The following GATA4 variants were observed in gnomAD, a reference collection of about 807,000 sequenced individuals.
GATA4 encodes the protein GATA binding protein 4.
In GATA4, 7 loss-of-function variants were observed where a neutral mutation model predicts 37.9. The ratio of observed to expected loss-of-function variants is 0.18; its 90% CI spans 0.11 to 0.35. GATA4 has a LOEUF of 0.35. GATA4 is among the 10% of genes least tolerant of loss of function. The pLI, the probability that GATA4 is intolerant of heterozygous loss-of-function variation, is 1.00. For missense variants in GATA4, 647 were observed against 653.0 expected, an observed-to-expected ratio of 0.99 and a Z score of 0.10; for synonymous variants, 372 against 292.6, an observed-to-expected ratio of 1.27 and a Z score of -2.77.
chr8:11,701,818 G>A (rs1799685769), upstream of GATA4, among the ~76,000 whole-genome samples: 1 of 151,652 alleles, frequency 6.6e-6, no homozygotes, highest in South Asian at 2.1e-4. Flanking sequence ...TCCACTAGGA[G>A]TGCCAGCGGA....
At chr8:11,687,524 T>C (rs1799176633) in intron 1 of GATA4, among the ~76,000 whole-genome samples, 1 of 152,200 alleles carries the variant, frequency 6.6e-6, no homozygotes, top group African/African-American at 2.4e-5. Flanking sequence ...TTGTGGTTTA[T>C]CAAAGTGGTA....
At chr8:11,693,992 C>A (rs1169114359) in intron 1 of GATA4, among the ~76,000 whole-genome samples, 1 of 152,056 alleles carries the variant, frequency 6.6e-6, no homozygotes, top group East Asian at 1.9e-4. Flanking sequence ...GGGGGAACAC[C>A]TCTACATTAA....
At chr8:11,702,329 G>C (rs776459849), upstream of GATA4, among the ~76,000 whole-genome samples, 1 of 151,942 alleles carries the variant, frequency 6.6e-6, no homozygotes, top group Non-Finnish European at 1.5e-5. The surrounding 1 kb of genome is among the most constrained non-coding windows in gnomAD (Gnocchi z 4.4). Flanking sequence ...CTGAGACCCC[G>C]GGTAGCGCTG....
At chr8:11,687,577 A>G (rs970065514) in intron 1 of GATA4, among the ~76,000 whole-genome samples, 2 of 152,214 alleles carry the variant, frequency 1.3e-5, no homozygotes, top group African/African-American at 4.8e-5. Context: ...TCTCTGGTGT[A>G]TTATTAGACC....
At chr8:11,715,623 C>T (rs561631307) in intron 2 of GATA4, among the ~76,000 whole-genome samples, 1 of 152,092 alleles carries the variant, frequency 6.6e-6, no homozygotes, top group Admixed American at 6.5e-5. Flanking sequence ...TGCCTGTAAT[C>T]CCAGCTATTC....
In GATA4 at chr8:11,708,192, T is replaced by C; in HGVS notation, c.-121T>C. ...AGTTGGTTTTTTCCCCTTTGATTTT[T>C]GATCTTCGCGACAGTTCCTCCCACG... is the stretch of plus-strand genomic sequence containing the variant. On this transcript the variant is annotated 5_prime_UTR_variant, in exon 2 of 7. Transcript: ENST00000532059. The surrounding 1 kb of genome is among the most constrained non-coding windows in gnomAD (Gnocchi z 6.7). The C allele has an allele frequency of 8.7e-7, 1 of 1,152,878 alleles. No homozygotes were observed. Among genetic ancestry groups the C allele is most frequent in the Non-Finnish European group, 1.3e-6 (1 of 799,734 alleles). 71.4% of individuals were successfully genotyped at this position (1,152,878 alleles called of 1,614,324 possible). A position where few individuals can be genotyped will look rare whatever the true frequency, so the allele number is the denominator to read the frequency against.
intron 2 of GATA4, among the ~76,000 whole-genome samples, chr8:11,746,442 AC>A (rs1472703145): frequency 6.6e-6 from 1 of 152,176 alleles, no homozygotes; most frequent in East Asian, 1.9e-4. Flanking sequence ...AGGTGATCTT[AC>A]AAGGCCTCTA....
chr8:11,720,839 T>A (rs564390333), intron 2 of GATA4, among the ~76,000 whole-genome samples: 64 of 152,172 alleles, frequency 4.2e-4, no homozygotes, highest in Non-Finnish European at 8.7e-4. Context: ...GTGCTCTGAG[T>A]TTCCTGCTGC....
intron 2 of GATA4, among the ~76,000 whole-genome samples, chr8:11,711,301 C>T (rs565580415): frequency 1.1e-4 from 17 of 152,318 alleles, no homozygotes; most frequent in African/African-American, 4.1e-4. Context: ...TCCCGGATAG[C>T]TTATGAAGTC....
chr8:11,689,388 C>T (rs1799241768), upstream of GATA4, among the ~76,000 whole-genome samples: 1 of 152,098 alleles, frequency 6.6e-6, no homozygotes, highest in Non-Finnish European at 1.5e-5. Context: ...CTGATGATTA[C>T]CCAGAACAGC....
intron 2 of GATA4, among the ~76,000 whole-genome samples, chr8:11,730,748 C>T (rs1052494759): frequency 3.9e-5 from 6 of 152,330 alleles, no homozygotes; most frequent in African/African-American, 1.2e-4. Context: ...TTTATTCCAG[C>T]GACTGTCCTG....
rs940691283 is a variant in GATA4 at position 11,709,143 on chromosome 8, G to T, written c.616+215G>T. Among the ~76,000 whole-genome samples, 1 of 152,180 alleles carries T rather than the reference G, an allele frequency of 6.6e-6. No individual in the cohort carries two copies. Among genetic ancestry groups the T allele is most frequent in the African/African-American group, 2.4e-5 (1 of 41,458 alleles). On this transcript the variant is annotated intron_variant, in intron 2 of 6. Coordinates refer to ENST00000532059, the MANE Select transcript of GATA4 (RefSeq NM_001308093.3). This position sits in a 1 kb window ranked among gnomAD's most constrained non-coding sequence, Gnocchi z 4.3. ...TCTGTGGAAGGGGCCGGGCCTGCCC[G>T]CCGGGGCCTCTTCTGAGATGGTGTC... is the stretch of plus-strand genomic sequence containing the variant.
chr8:11,685,713 C>T (rs1346712767), intron 1 of GATA4, among the ~76,000 whole-genome samples: 1 of 152,220 alleles, frequency 6.6e-6, no homozygotes, highest in East Asian at 1.9e-4. Flanking sequence ...TCACTTGCAA[C>T]CTTGAGTGTT....
Position 11,678,507 on chromosome 8 carries a change from C to T in GATA4, c.-274+1444C>T, listed in dbSNP as rs189911267. Among the ~76,000 whole-genome samples, 15 of 152,180 alleles carry T rather than the reference C, an allele frequency of 9.9e-5. No homozygotes were observed. In the East Asian group the frequency reaches 2.3e-3, roughly 23 times the overall value. ...GGGCTGATATTCCTGCTCTTCTGTA[C>T]GCTGTCCAAAAATAAGGGAAATTGA... On this transcript the variant is annotated intron_variant, in intron 1 of 6. Transcript: ENST00000528712.
upstream of GATA4, chr8:11,700,532 C>G (rs888600793): frequency 2.6e-5 from 4 of 152,346 alleles, no homozygotes; most frequent in African/African-American, 9.6e-5. Flanking sequence ...GCTCTGCACC[C>G]TGGTTCTCGG....
chr8:11,692,752 G>T, intron 1 of GATA4: 1 of 982,984 alleles, frequency 1.0e-6, no homozygotes, highest in South Asian at 4.7e-5. Flanking sequence ...GCGAGGGCGC[G>T]GACGGACGGG....
intron 2 of GATA4, among the ~76,000 whole-genome samples, chr8:11,745,452 AGCAT>A (rs1801984327): frequency 6.7e-6 from 1 of 148,180 alleles, no homozygotes; most frequent in African/African-American, 2.5e-5. Flanking sequence ...AAGGCATGGC[AGCAT>A]GCACCTGTAG....
At chr8:11,690,150 G>A (rs1799264019), upstream of GATA4, among the ~76,000 whole-genome samples, 1 of 152,228 alleles carries the variant, frequency 6.6e-6, no homozygotes, top group Non-Finnish European at 1.5e-5. Flanking sequence ...ACCCACCAAT[G>A]GAGGATGAAG....
rs987150842 is a variant in GATA4 at position 11,708,210 on chromosome 8, C to T, written c.-103C>T. On this transcript the variant is annotated 5_prime_UTR_variant, in exon 2 of 7. Coordinates refer to ENST00000532059, the MANE Select transcript of GATA4 (RefSeq NM_001308093.3). This position sits in a 1 kb window ranked among gnomAD's most constrained non-coding sequence, Gnocchi z 6.7. ...TGATTTTTGATCTTCGCGACAGTTC[C>T]TCCCACGCATATTATCGTTGTTGCC... is the stretch of plus-strand genomic sequence containing the variant. 37 of 1,290,814 alleles carry T rather than the reference C, an allele frequency of 2.9e-5. No individual in the cohort carries two copies. The African/African-American group carries it at 4.5e-4, about 16-fold the overall frequency. The allele number at this position is 1,290,814 out of a possible 1,614,324, so 80.0% of individuals were successfully genotyped here.
Sources: allele counts gnomAD v4.1 joint callset (sites outside exome capture counted in the v4.1 genomes callset), GRCh38; gene constraint gnomAD v4.1.1; non-coding constraint Gnocchi (gnomAD v3.1); transcripts MANE v1.5; gene names NCBI Gene and HGNC (gene_info 2026-07-23, HGNC 2026-07-21).